Variants in C10orf71 observed in about 807,000 individuals in gnomAD.
The protein encoded by C10orf71 is chromosome 10 open reading frame 71, also known as cardiac-enriched FHL2-interacting protein.
For missense variants in C10orf71, 1,869 were observed against 1,804.5 expected (o/e 1.04, Z -0.65); for synonymous variants, 758 against 726.3 (o/e 1.04, Z -0.70).
rs760613490 is a variant in C10orf71, at chr10:49,324,649, C to T, written c.2104C>T (p.Leu702Phe). The change falls in exon 3 of 3, where the codon CTC (leucine) becomes TTC (phenylalanine). Residue 702 changes from leucine to phenylalanine, a missense_variant. Physicochemically the swap from Leu to Phe is conservative, Grantham distance 22 (BLOSUM62 0). Transcript: ENST00000374144. Reference sequence around the variant, plus strand: ...GAACCAGAAATTCTTCCCAGGGCCCCTCTCTCCTGAGGAGGAAGATGTGTT... The same window carrying T: ...GAACCAGAAATTCTTCCCAGGGCCCTTCTCTCCTGAGGAGGAAGATGTGTT... Reference protein sequence around the residue: ...HLNQKFFPGPLSPEEEDVFYS... With the variant: ...HLNQKFFPGPFSPEEEDVFYS... 8.7e-6 allele frequency: 14 copies of T among 1,613,456 alleles called. No individual in the cohort carries two copies. The highest frequency in any genetic ancestry group is 3.3e-5 in the Admixed American group (2 of 59,934).
chr10:49,315,313 T>C (rs1337913404), intron 1 of C10orf71, among the ~76,000 whole-genome samples: 2 of 152,234 alleles, frequency 1.3e-5, no homozygotes, highest in Admixed American at 1.3e-4. Flanking sequence ...ATTTAAAATG[T>C]GCAGAGTGGA....
rs1849144837 is a variant in C10orf71, at chr10:49,323,569, G to A, written c.1024G>A (p.Ala342Thr). The change falls in exon 3 of 3, where the codon GCT (alanine) becomes ACT (threonine). Residue 342 changes from alanine (A) to threonine (T), a missense_variant. By Grantham distance (58) the Ala-to-Thr change is moderately conservative (BLOSUM62 0). Coordinates refer to ENST00000374144, the MANE Select transcript of C10orf71 (RefSeq NM_001135196.2). Reference protein sequence around the residue: ...SQEENRLAAGALSTSIPWGCR... With the variant: ...SQEENRLAAGTLSTSIPWGCR... ...GGAAGAGAACAGACTTGCAGCAGGG[G>A]CTCTGTCCACATCTATACCCTGGGG... 5 of 1,605,598 alleles carry A rather than the reference G, an allele frequency of 3.1e-6. No homozygotes were observed. Among genetic ancestry groups the A allele is most frequent in the African/African-American group, 1.3e-5 (1 of 74,706 alleles).
At chr10:49,306,440 C>G (rs1848815044) in intron 1 of C10orf71, among the ~76,000 whole-genome samples, 1 of 152,254 alleles carries the variant, frequency 6.6e-6, no homozygotes, top group African/African-American at 2.4e-5. Flanking sequence ...ACTGCTGGTA[C>G]TGCCTATTTG....
intron 1 of C10orf71, among the ~76,000 whole-genome samples, chr10:49,311,624 G>A (rs1396827650): frequency 6.6e-6 from 1 of 152,246 alleles, no homozygotes; most frequent in African/African-American, 2.4e-5. Flanking sequence ...CGCAGTGCAG[G>A]AAGAATAAAG....
intron 1 of C10orf71, among the ~76,000 whole-genome samples, chr10:49,310,810 G>T (rs1462248012): frequency 6.6e-6 from 1 of 152,108 alleles, no homozygotes. Flanking sequence ...TGGTGATGAT[G>T]ATGATGATGA....
chr10:49,298,131 C>T (rs1008971603), upstream of C10orf71, among the ~76,000 whole-genome samples: 1 of 152,234 alleles, frequency 6.6e-6, no homozygotes, highest in Non-Finnish European at 1.5e-5. Flanking sequence ...TGGTGCCAGG[C>T]CCCAGCTTGG....
At chr10:49,321,976 T>C (rs1039206260) in intron 2 of C10orf71, among the ~76,000 whole-genome samples, 3 of 152,246 alleles carry the variant, frequency 2.0e-5, no homozygotes, top group Non-Finnish European at 4.4e-5. Context: ...ATATTAACCC[T>C]TTATCAGATA....
At chr10:49,308,139 C>T (rs2889802) in intron 1 of C10orf71, among the ~76,000 whole-genome samples, 58,318 of 152,088 alleles carry the variant, frequency 0.38, 12,049 homozygotes, top group Non-Finnish European at 0.47. Context: ...CCCCTGCTAC[C>T]CCCTGCTCAC....
Position 49,322,498 on chromosome 10 carries a change from C to T in C10orf71, c.-48C>T. 1 of 1,530,208 alleles carries T rather than the reference C, an allele frequency of 6.5e-7. No homozygotes were observed. Among genetic ancestry groups the T allele is most frequent in the South Asian group, 1.3e-5 (1 of 77,194 alleles). The allele number at this position is 1,530,208 out of a possible 1,614,324, so 94.8% of individuals were successfully genotyped here. On this transcript the variant is annotated 5_prime_UTR_variant, in exon 3 of 3. Coordinates refer to ENST00000374144, the MANE Select transcript of C10orf71 (RefSeq NM_001135196.2). ...ACACCTAACCTTGACAGAATCATCA[C>T]CAGAGACACCTGCCGGCTGACAAGG...
chr10:49,326,211 G>A lies in C10orf71; in HGVS notation c.3666G>A (p.Leu1222=). The change falls in exon 3 of 3, where the codon CTG becomes CTA. Residue 1222 remains leucine, a synonymous_variant. Coordinates refer to ENST00000374144, the MANE Select transcript of C10orf71 (RefSeq NM_001135196.2). The stretch of plus-strand genomic sequence containing the variant: ...TGGAGCAGACACAGCAAAGGCCGCT[G>A]TGCCCCAGAGAGAGGCCCCGACACA... ...EDLEQTQQRP[L]CPRERPRHNF... 1 of 1,551,228 alleles carries A rather than the reference G, an allele frequency of 6.4e-7. No individual in the cohort carries two copies. The highest frequency in any genetic ancestry group is 8.7e-7 in the Non-Finnish European group (1 of 1,146,964).
Position 49,326,319 on chromosome 10 carries a change from C to T in C10orf71, c.3774C>T (p.Pro1258=), listed in dbSNP as rs577902200. 2.6e-4 allele frequency: 398 copies of T among 1,549,344 alleles called. 4 individuals carry two copies. The East Asian group carries it at 6.4e-3, about 25-fold the overall frequency. The part of the protein sequence containing the change: ...SGFSEPVGRR[P]GGPQSLTPLP... ...TCTCGGAGCCTGTCGGGAGGCGGCC[C>T]GGGGGCCCCCAGTCCCTCACACCCC... is the stretch of plus-strand genomic sequence containing the variant. Residue 1258 remains proline (P), a synonymous_variant, in exon 3 of 3, where the codon CCC becomes CCT. Coordinates refer to ENST00000374144, the MANE Select transcript of C10orf71 (RefSeq NM_001135196.2).
chr10:49,323,701 A>T lies in C10orf71; in HGVS notation c.1156A>T (p.Thr386Ser). The T allele has an allele frequency of 6.2e-7, 1 of 1,613,980 alleles. No individual in the cohort carries two copies. The highest frequency in any genetic ancestry group is 8.5e-7 in the Non-Finnish European group (1 of 1,179,898). Residue 386 changes from threonine (T) to serine (S), a missense_variant, in exon 3 of 3, where the codon ACT (threonine) becomes TCT (serine). Physicochemically the swap from Thr to Ser is moderately conservative, Grantham distance 58 (BLOSUM62 1). Coordinates refer to ENST00000374144, the MANE Select transcript of C10orf71 (RefSeq NM_001135196.2). ...PAQPPWRKPK[T>S]GKKGKESLQD... ...CCAGCCCCCATGGAGGAAGCCAAAG[A>T]CTGGCAAAAAAGGGAAAGAAAGTCT... is the stretch of plus-strand genomic sequence containing the variant.
Position 49,322,485 on chromosome 10 carries a change from G to T in C10orf71, c.-61G>T. 1 of 1,499,438 alleles carries T rather than the reference G, an allele frequency of 6.7e-7. No homozygotes were observed. The highest frequency in any genetic ancestry group is 8.9e-7 in the Non-Finnish European group (1 of 1,120,284). 92.9% of individuals were successfully genotyped at this position (1,499,438 alleles called of 1,614,324 possible). On this transcript the variant is annotated 5_prime_UTR_variant, in exon 3 of 3. Transcript: ENST00000374144. ...GGGGAAGAGGGAAACACCTAACCTT[G>T]ACAGAATCATCACCAGAGACACCTG... is the stretch of plus-strand genomic sequence containing the variant.
chr10:49,306,124 G>A (rs1430107961), intron 1 of C10orf71, among the ~76,000 whole-genome samples: 2 of 152,258 alleles, frequency 1.3e-5, no homozygotes, highest in East Asian at 3.8e-4. Context: ...TGGCAGGTGA[G>A]GCACGGGGCT....
chr10:49,326,671 A>T lies in C10orf71; in HGVS notation c.4126A>T (p.Ser1376Cys). ...CTCCGCGGCCCGCGCCAGGACCCAG[A>T]GTGTCCACGAGTCTGGACTACAGCT... ...RASAARARTQSVHESGLQLDP... is the reference protein window; with the variant it reads ...RASAARARTQCVHESGLQLDP... Residue 1376 changes from serine to cysteine, a missense_variant, in exon 3 of 3, where the codon AGT becomes TGT. Coordinates refer to ENST00000374144, the MANE Select transcript of C10orf71 (RefSeq NM_001135196.2). 1 of 1,550,662 alleles carries T rather than the reference A, an allele frequency of 6.4e-7. No individual in the cohort carries two copies. Among genetic ancestry groups the T allele is most frequent in the Non-Finnish European group, 8.7e-7 (1 of 1,146,950 alleles).
chr10:49,308,683 G>A (rs1234473489), intron 1 of C10orf71, among the ~76,000 whole-genome samples: 1 of 152,208 alleles, frequency 6.6e-6, no homozygotes, highest in African/African-American at 2.4e-5. Flanking sequence ...GGTCAGCCCT[G>A]CACATGGCTA....
chr10:49,321,068 G>C (rs1258146970), intron 2 of C10orf71, among the ~76,000 whole-genome samples: 1 of 151,742 alleles, frequency 6.6e-6, no homozygotes, highest in East Asian at 1.9e-4. Flanking sequence ...GTGTATGTGT[G>C]ATAAGAGCAT....
chr10:49,308,728 G>T (rs1033818878), intron 1 of C10orf71, among the ~76,000 whole-genome samples: 3 of 152,214 alleles, frequency 2.0e-5, no homozygotes, highest in African/African-American at 7.2e-5. Context: ...CGTGAAGCAG[G>T]TGTTCAATAA....
At position 49,324,057 on chromosome 10, in the gene C10orf71, G is replaced by A. The variant is rs1352941422; in HGVS notation, c.1512G>A (p.Lys504=). 1 of 1,613,864 alleles carries A rather than the reference G, an allele frequency of 6.2e-7. No individual in the cohort carries two copies. Among genetic ancestry groups the A allele is most frequent in the Non-Finnish European group, 8.5e-7 (1 of 1,179,858 alleles). Reference sequence around the variant, plus strand: ...CCCCTAGCCTGCTGTTCAACCTCAAGGACGTGCGGAAGCGTGTTAAGAGCA... The same window carrying A: ...CCCCTAGCCTGCTGTTCAACCTCAAAGACGTGCGGAAGCGTGTTAAGAGCA... The part of the protein sequence containing the change: ...SKAPSLLFNL[K]DVRKRVKSTY... Residue 504 remains lysine (K), a synonymous_variant, in exon 3 of 3, where the codon AAG becomes AAA. Coordinates refer to ENST00000374144, the MANE Select transcript of C10orf71 (RefSeq NM_001135196.2).
Sources: allele counts gnomAD v4.1 joint callset (sites outside exome capture counted in the v4.1 genomes callset), GRCh38; gene constraint gnomAD v4.1.1; transcripts MANE v1.5; gene names NCBI Gene and HGNC (gene_info 2026-07-23, HGNC 2026-07-21).